The following MICOS10 variants were observed in gnomAD, a reference collection of about 807,000 sequenced individuals.
MICOS10 encodes mitochondrial contact site and cristae organizing system subunit 10.
A neutral mutation model predicts 13.4 loss-of-function variants in MICOS10; 5 were observed. The observed-to-expected ratio is 0.37, with a 90% CI of 0.20 to 0.78. The LOEUF is 0.78. Ranked by LOEUF, MICOS10 falls within the 30% of genes least tolerant of loss-of-function variation. MICOS10 has a pLI of 0.47. For synonymous variants in MICOS10, 35 were observed against 33.6 expected, an observed-to-expected ratio of 1.04 and a Z score of -0.15; for missense variants, 101 against 94.6, an observed-to-expected ratio of 1.07 and a Z score of -0.28.
Position 19,603,174 on chromosome 1 carries a change from A to G in MICOS10, c.64+6065A>G, listed in dbSNP as rs144838289. On this transcript the variant is annotated intron_variant, in intron 1 of 3. Transcript: ENST00000322753. ...GCGAAACCCCATCTCTACTAAAAATACAAAAAATTAGCCGGGCATGGTGGT... is the reference window on the plus strand; with the variant it reads ...GCGAAACCCCATCTCTACTAAAAATGCAAAAAATTAGCCGGGCATGGTGGT... 6.7e-3 allele frequency among the ~76,000 whole-genome samples: 1,023 copies of G among 152,206 alleles called. 16 individuals are homozygous for G. Among genetic ancestry groups the G allele is most frequent in the African/African-American group, 0.023 (960 of 41,520 alleles).
At position 19,628,938 on chromosome 1, in the gene MICOS10, G is replaced by A. The variant is rs1020202691; in HGVS notation, c.*2537G>A. ...TTGGCACCTTGGAAGCACCACTGAA[G>A]TGCTCTGAGAAAGGGGTCAGCTGTC... On this transcript the variant is annotated 3_prime_UTR_variant, in exon 4 of 4. Transcript: ENST00000322753. 1.2e-4 allele frequency: 19 copies of A among 152,368 alleles called. 1 individual carries two copies. The highest frequency in any genetic ancestry group is 4.1e-4 in the African/African-American group (17 of 41,576). The allele number at this position is 152,368 out of a possible 1,614,324, so 9.4% of individuals were successfully genotyped here.
At chr1:19,610,957 T>C (rs1402109876) in intron 1 of MICOS10, among the ~76,000 whole-genome samples, 1 of 152,062 alleles carries the variant, frequency 6.6e-6, no homozygotes, top group Non-Finnish European at 1.5e-5. Context: ...TTTCTCTTTT[T>C]TTTTTTGAGA....
At chr1:19,625,362 C>T in intron 3 of MICOS10, 1 of 1,285,120 alleles carries the variant, frequency 7.8e-7, no homozygotes, top group Non-Finnish European at 1.0e-6. Flanking sequence ...GTAGCAGTAT[C>T]CTGCCACGGC....
chr1:19,624,739 A>G (rs2094916428), intron 3 of MICOS10, among the ~76,000 whole-genome samples: 1 of 152,220 alleles, frequency 6.6e-6, no homozygotes, highest in Non-Finnish European at 1.5e-5. Flanking sequence ...TGACAGGAAC[A>G]TTGGAGGCTG....
intron 1 of MICOS10, chr1:19,608,689 A>G (rs2094845849): frequency 5.2e-6 from 3 of 582,306 alleles, no homozygotes; most frequent in Admixed American, 6.4e-5. Flanking sequence ...ATTTTGGGGA[A>G]TACAAAAAGC....
chr1:19,600,382 C>T (rs1387895524), intron 1 of MICOS10, among the ~76,000 whole-genome samples: 1 of 152,140 alleles, frequency 6.6e-6, no homozygotes, highest in Non-Finnish European at 1.5e-5. Context: ...AAGGTGTACG[C>T]TCTTCTATAG....
At position 19,627,508 on chromosome 1, in the gene MICOS10, A is replaced by G. The variant is rs1236387783; in HGVS notation, c.*1107A>G. 8 of 152,248 alleles carry G rather than the reference A, an allele frequency of 5.3e-5. No individual in the cohort carries two copies. Among genetic ancestry groups the G allele is most frequent in the Admixed American group, 5.2e-4 (8 of 15,284 alleles). The allele number at this position is 152,248 out of a possible 1,614,324, so 9.4% of individuals were successfully genotyped here. The stretch of plus-strand genomic sequence containing the variant: ...ACACAACTCTGAAAGAAGTGTTTTA[A>G]TGGAGAAGAGAGGTGTAGGCAAAGT... On this transcript the variant is annotated 3_prime_UTR_variant, in exon 4 of 4. Transcript: ENST00000322753.
rs138027585 is a variant in MICOS10, at chr1:19,598,542, C to T, written c.64+1433C>T. Among the ~76,000 whole-genome samples, 919 of 151,676 alleles carry T rather than the reference C, an allele frequency of 6.1e-3. 13 individuals are homozygous for T. The highest frequency in any genetic ancestry group is 0.021 in the African/African-American group (870 of 41,346). On this transcript the variant is annotated intron_variant, in intron 1 of 3. Transcript: ENST00000322753. ...CTGTAATCCCAGCACTTTGGGAGGC[C>T]GAGGCGGGAGGATCGCCTGAGATCA...
intron 1 of MICOS10, among the ~76,000 whole-genome samples, chr1:19,601,463 A>G (rs553947615): frequency 1.3e-5 from 2 of 151,926 alleles, no homozygotes; most frequent in Non-Finnish European, 2.9e-5. Flanking sequence ...CTATGGTACC[A>G]GCTACTTGGG....
intron 1 of MICOS10, among the ~76,000 whole-genome samples, chr1:19,615,200 C>T (rs951169690): frequency 5.9e-5 from 9 of 152,234 alleles, no homozygotes; most frequent in African/African-American, 1.9e-4. Context: ...TGTCTTATTT[C>T]TCTCTGACCC....
intron 1 of MICOS10, among the ~76,000 whole-genome samples, chr1:19,607,862 C>T (rs1316027010): frequency 6.6e-6 from 1 of 152,220 alleles, no homozygotes; most frequent in Non-Finnish European, 1.5e-5. Context: ...TGGAGAAGAG[C>T]TGGACATATA....
intron 1 of MICOS10, chr1:19,608,521 C>T (rs1433555803): frequency 9.4e-7 from 1 of 1,061,024 alleles, no homozygotes; most frequent in East Asian, 2.4e-5. Context: ...CCCCCATCCC[C>T]TCTGACAGCA....
intron 3 of MICOS10, among the ~76,000 whole-genome samples, chr1:19,624,535 G>A (rs895723427): frequency 5.3e-5 from 8 of 152,088 alleles, no homozygotes; most frequent in East Asian, 1.9e-4. Context: ...TGATCCACCC[G>A]TCTCGGCCTC....
intron 1 of MICOS10, among the ~76,000 whole-genome samples, chr1:19,600,331 A>C (rs4912012): frequency 0.26 from 38,847 of 152,044 alleles, 5,861 homozygotes; most frequent in Non-Finnish European, 0.33. Context: ...AAGAGAGAAG[A>C]AGTAAGGGAG....
intron 2 of MICOS10, among the ~76,000 whole-genome samples, chr1:19,622,831 A>G (rs2094908495): frequency 6.6e-6 from 1 of 152,122 alleles, no homozygotes; most frequent in African/African-American, 2.4e-5. Context: ...CATGCATCTT[A>G]CTGGCTAAGA....
At chr1:19,620,641 A>G (rs2094899807) in intron 1 of MICOS10, among the ~76,000 whole-genome samples, 1 of 152,248 alleles carries the variant, frequency 6.6e-6, no homozygotes, top group African/African-American at 2.4e-5. Context: ...TCATATTTAT[A>G]CTTGCAGATA....
intron 1 of MICOS10, among the ~76,000 whole-genome samples, chr1:19,610,659 TTTATAG>T (rs1378443258): frequency 2.0e-5 from 3 of 152,100 alleles, no homozygotes; most frequent in Non-Finnish European, 4.4e-5. Context: ...CTTAGGATAA[TTTATAG>T]TTATTGTAAC....
intron 1 of MICOS10, among the ~76,000 whole-genome samples, chr1:19,610,891 G>C (rs995269575): frequency 6.6e-6 from 1 of 151,986 alleles, no homozygotes; most frequent in Non-Finnish European, 1.5e-5. Flanking sequence ...CTAGTTTCTT[G>C]GCATCATTTC....
intron 1 of MICOS10, 127 bp downstream of exon 1, chr1:19,597,236 G>T: frequency 2.9e-6 from 3 of 1,052,052 alleles, no homozygotes; most frequent in Non-Finnish European, 4.0e-6. Flanking sequence ...CGGCCCCTCC[G>T]GCCAGGGCGA....
Sources: gnomAD v4.1 joint callset for allele counts (sites outside exome capture counted in the v4.1 genomes callset) on GRCh38, gnomAD v4.1.1 for gene constraint, MANE v1.5 for transcripts, NCBI Gene and HGNC (gene_info 2026-07-23, HGNC 2026-07-21) for gene names.